Variants in MCOLN2 observed in about 807,000 individuals in gnomAD.
MCOLN2 encodes the protein mucolipin TRP cation channel 2.
Under a neutral mutation model 67.5 loss-of-function variants are expected in MCOLN2, and 57 were observed. That is an observed-to-expected ratio of 0.84 (90% confidence interval 0.68 to 1.05). The LOEUF (loss-of-function observed/expected upper bound fraction) is 1.05, where lower values mean the gene tolerates loss of function less well. Ranked by LOEUF, MCOLN2 falls within the 50% of genes least tolerant of loss-of-function variation. The probability of loss-of-function intolerance (pLI) is 0.00; values close to 1 mark genes in which losing one functional copy is unlikely to be tolerated. For synonymous variants in MCOLN2, 246 were observed against 233.3 expected, an observed-to-expected ratio of 1.05 and a Z score of -0.50; for missense variants, 620 against 678.8, an observed-to-expected ratio of 0.91 and a Z score of 0.96.
intron 9 of MCOLN2, among the ~76,000 whole-genome samples, chr1:84,938,816 T>C (rs948451769): frequency 7.9e-5 from 12 of 152,060 alleles, no homozygotes; most frequent in East Asian, 1.9e-4. Context: ...GGCCACTTCA[T>C]CCCAAAGTAG....
At chr1:84,976,776 T>C (rs1032073910) in intron 1 of MCOLN2, among the ~76,000 whole-genome samples, 1 of 151,792 alleles carries the variant, frequency 6.6e-6, no homozygotes, top group African/African-American at 2.4e-5. Flanking sequence ...AAAAAAAAGA[T>C]TTTCCCAGAC....
intron 1 of MCOLN2, among the ~76,000 whole-genome samples, chr1:84,987,550 ATACATCTATG>A (rs1650640748): frequency 3.8e-5 from 4 of 104,132 alleles, no homozygotes; most frequent in African/African-American, 1.4e-4. Flanking sequence ...ACATAGATGT[ATACATCTATG>A]TATACATAGA....
At chr1:84,979,346 G>A (rs1454233460) in intron 1 of MCOLN2, among the ~76,000 whole-genome samples, 1 of 151,990 alleles carries the variant, frequency 6.6e-6, no homozygotes, top group Non-Finnish European at 1.5e-5. Context: ...GTATTACCCT[G>A]ATATCAAAAC....
chr1:84,948,234 C>A (rs1369939153), intron 6 of MCOLN2, among the ~76,000 whole-genome samples: 1 of 152,220 alleles, frequency 6.6e-6, no homozygotes, highest in Non-Finnish European at 1.5e-5. Flanking sequence ...ATGTCCAGCC[C>A]GACAACAAGT....
chr1:84,962,898 G>A (rs892098213), intron 2 of MCOLN2, among the ~76,000 whole-genome samples: 1 of 152,184 alleles, frequency 6.6e-6, no homozygotes, highest in Non-Finnish European at 1.5e-5. Context: ...ACACAATAAA[G>A]TCTATTCTAC....
chr1:84,968,621 A>G (rs1429615719), intron 1 of MCOLN2, among the ~76,000 whole-genome samples: 1 of 152,198 alleles, frequency 6.6e-6, no homozygotes, highest in Non-Finnish European at 1.5e-5. Context: ...CTCCTAGCTC[A>G]TAACTCCCAT....
In MCOLN2 at chr1:84,940,942, C is replaced by A; in HGVS notation, c.897G>T (p.Val299=). The A allele has an allele frequency of 6.2e-7, 1 of 1,613,756 alleles. No homozygotes were observed. The highest frequency in any genetic ancestry group is 8.5e-7 in the Non-Finnish European group (1 of 1,179,840). Residue 299 remains valine, a synonymous_variant, in exon 8 of 14, where the codon GTG becomes GTT. Transcript: ENST00000370608. ...YVLVFDAFVI[V]ICLASLILCT... is the part of the protein sequence containing the mutation. ...ACAGAATAAGAGATGCCAAGCAAAT[C>A]ACAATGACAAATGCATCAAACACCA...
rs140040239 is a variant in MCOLN2, at chr1:84,931,449, C to T, written c.1455G>A (p.Leu485=). 7 of 1,611,476 alleles carry T rather than the reference C, an allele frequency of 4.3e-6. No homozygotes were observed. The African/African-American group carries it at 8.0e-5, about 18-fold the overall frequency. ...AAAGGCTGATGAAGGAATATAAATA[C>T]AGACGACTGAACAGCCACACCAAGA... is the stretch of plus-strand genomic sequence containing the variant. ...KSILVWLFSR[L]YLYSFISLFI... Residue 485 remains leucine, a synonymous_variant, in exon 12 of 14, where the codon CTG becomes CTA. Coordinates refer to ENST00000370608, the MANE Select transcript of MCOLN2 (RefSeq NM_153259.4).
intron 1 of MCOLN2, among the ~76,000 whole-genome samples, chr1:84,987,560 G>GTATATCTA (rs1469966340): frequency 1.1e-5 from 1 of 87,648 alleles, no homozygotes; most frequent in African/African-American, 4.4e-5. Flanking sequence ...ATACATCTAT[G>GTATATCTA]TATACATAGA....
chr1:84,960,060 T>A (rs928620322), intron 2 of MCOLN2, among the ~76,000 whole-genome samples: 2 of 152,186 alleles, frequency 1.3e-5, no homozygotes, highest in South Asian at 2.1e-4. Flanking sequence ...ATAGCTAATA[T>A]TAATTTGCAT....
chr1:84,937,579 A>T, intron 11 of MCOLN2, 176 bp downstream of exon 11: 1 of 1,386,046 alleles, frequency 7.2e-7, no homozygotes, highest in Admixed American at 3.1e-5. Flanking sequence ...AATATCCTGT[A>T]GTCACTTCTA....
intron 3 of MCOLN2, among the ~76,000 whole-genome samples, chr1:84,957,781 T>C (rs1341245509): frequency 6.6e-6 from 1 of 152,242 alleles, no homozygotes; most frequent in African/African-American, 2.4e-5. Flanking sequence ...CTTCTTTTTG[T>C]CTAGCTCTTC....
At chr1:84,961,914 A>C (rs951918464) in intron 2 of MCOLN2, among the ~76,000 whole-genome samples, 6 of 152,216 alleles carry the variant, frequency 3.9e-5, no homozygotes, top group Admixed American at 2.0e-4. Flanking sequence ...AACTAGCAAA[A>C]GAATGTAGAC....
intron 2 of MCOLN2, among the ~76,000 whole-genome samples, chr1:84,960,166 A>C (rs1051427782): frequency 6.6e-6 from 1 of 152,234 alleles, no homozygotes; most frequent in Non-Finnish European, 1.5e-5. Flanking sequence ...ATTAGGAAAA[A>C]TAATCACCAT....
At position 84,952,328 on chromosome 1, in the gene MCOLN2, AC is replaced by A. The variant is rs1173021289; in HGVS notation, c.661del (p.Val221LeufsTer57). The A allele has an allele frequency of 6.2e-7, 1 of 1,612,796 alleles. No homozygotes were observed. The highest frequency in any genetic ancestry group is 8.5e-7 in the Non-Finnish European group (1 of 1,178,956). ...FRLEFYRLLQ[V>X]EISFHLKGID... ...GCCTTTAAGATGAAAGGAGATTTCA[AC>A]CTGTAAGAGCCTGAATAAAATATAT... On this transcript the variant is annotated frameshift_variant, in exon 6 of 14. Coordinates refer to ENST00000370608, the MANE Select transcript of MCOLN2 (RefSeq NM_153259.4). LOFTEE classifies it high-confidence loss of function.
chr1:84,930,285 C>A (rs959457182), intron 12 of MCOLN2, among the ~76,000 whole-genome samples: 2 of 151,422 alleles, frequency 1.3e-5, no homozygotes, highest in African/African-American at 4.9e-5. Flanking sequence ...AAAAAAAAGT[C>A]TAAACTTTTA....
In MCOLN2 at chr1:84,939,701, C is replaced by T; in HGVS notation, c.962G>A (p.Arg321Lys). 6.2e-7 allele frequency: 1 copy of T among 1,613,912 alleles called. No individual in the cohort carries two copies. The highest frequency in any genetic ancestry group is 1.1e-5 in the South Asian group (1 of 91,050). Residue 321 changes from arginine (R) to lysine (K), a missense_variant and splice_region_variant, in exon 9 of 14, where the codon AGA (arginine) becomes AAA (lysine). Transcript: ENST00000370608. ...CTTCTCCAGGAAGAAATTTAGAAATCTCTATGGCAAACATTTAAAGAAGCG... is the reference window on the plus strand; with the variant it reads ...CTTCTCCAGGAAGAAATTTAGAAATTTCTATGGCAAACATTTAAAGAAGCG... ...SIVLALRLRK[R>K]FLNFFLEKYK... is the part of the protein sequence containing the mutation.
intron 4 of MCOLN2, 101 bp from the exon 5 acceptor site, chr1:84,952,631 T>A (rs945715469): frequency 2.7e-6 from 2 of 727,756 alleles, no homozygotes; most frequent in Non-Finnish European, 4.9e-6. Flanking sequence ...TTACGGAGTT[T>A]CAAAGTATCT....
At chr1:84,939,800 T>C (rs950241080) in intron 8 of MCOLN2, 98 bp from the exon 9 acceptor site, 15 of 1,285,322 alleles carry the variant, frequency 1.2e-5, no homozygotes, top group Non-Finnish European at 1.5e-5. Flanking sequence ...TAAAAGGACA[T>C]GGCATTGCCT....
Sources: allele counts gnomAD v4.1 joint callset (sites outside exome capture counted in the v4.1 genomes callset), GRCh38; gene constraint gnomAD v4.1.1; transcripts MANE v1.5; gene names NCBI Gene and HGNC (gene_info 2026-07-23, HGNC 2026-07-21).